The following MMP28 variants were observed in gnomAD, a reference collection of about 807,000 sequenced individuals.
MMP28 encodes matrix metallopeptidase 28, also known as matrix metalloproteinase-28.
Under a neutral mutation model 60.5 loss-of-function variants are expected in MMP28, and 55 were observed. The observed-to-expected ratio is 0.91, with a 90% CI of 0.73 to 1.14. The LOEUF is 1.14. Ranked by LOEUF, MMP28 falls within the 50% of genes most tolerant of loss-of-function variation. The pLI is 0.00. For synonymous variants in MMP28, 318 were observed against 312.5 expected, an observed-to-expected ratio of 1.02 and a Z score of -0.18; for missense variants, 686 against 738.3, an observed-to-expected ratio of 0.93 and a Z score of 0.82.
At chr17:35,774,073 G>A (rs888463102) in intron 3 of MMP28, among the ~76,000 whole-genome samples, 11 of 152,322 alleles carry the variant, frequency 7.2e-5, no homozygotes, top group Middle Eastern at 3.4e-3. Context: ...AGAACAAAGC[G>A]TGTGTTTTGT....
At chr17:35,781,977 C>T (rs2086516524) in intron 1 of MMP28, among the ~76,000 whole-genome samples, 1 of 151,916 alleles carries the variant, frequency 6.6e-6, no homozygotes, top group Non-Finnish European at 1.5e-5. Flanking sequence ...ACTCAGGTGA[C>T]CCTCCTATAG....
At chr17:35,771,882 G>A (rs544089022) in intron 4 of MMP28, among the ~76,000 whole-genome samples, 2 of 151,270 alleles carry the variant, frequency 1.3e-5, no homozygotes, top group African/African-American at 4.9e-5. Flanking sequence ...CCCAGATGGA[G>A]CTTATTAGAT....
At chr17:35,759,657 C>T (rs1002296935) in intron 2 of MMP28, among the ~76,000 whole-genome samples, 1 of 152,092 alleles carries the variant, frequency 6.6e-6, no homozygotes, top group Non-Finnish European at 1.5e-5. Context: ...GCCGAGATTG[C>T]GCCACTGCAC....
At chr17:35,771,047 T>C (rs1338382307) in intron 4 of MMP28, among the ~76,000 whole-genome samples, 1 of 151,850 alleles carries the variant, frequency 6.6e-6, no homozygotes, top group Non-Finnish European at 1.5e-5. Flanking sequence ...AGTAAGACCC[T>C]GTCTCAAACA....
intron 2 of MMP28, chr17:35,760,857 A>T: frequency 6.5e-7 from 1 of 1,536,990 alleles, no homozygotes. Flanking sequence ...GAGGCCCTAG[A>T]CATGAGACAA....
rs929595282 is a variant in MMP28, at chr17:35,768,344, G to A, written c.886C>T (p.Pro296Ser). 1 of 1,612,072 alleles carries A rather than the reference G, an allele frequency of 6.2e-7. No homozygotes were observed. The highest frequency in any genetic ancestry group is 1.3e-5 in the African/African-American group (1 of 74,898). Residue 296 changes from proline (P) to serine (S), a missense_variant, in exon 6 of 8, where the codon CCA becomes TCA. By Grantham distance (74) the Pro-to-Ser change is moderately conservative. Coordinates refer to ENST00000605424, the MANE Select transcript of MMP28 (RefSeq NM_024302.5). ...TCAAAGTCAGTGAACAGCTTTCCTG[G>A]GAGCTGGACGGCCACTGAGCCCCCT... is the stretch of plus-strand genomic sequence containing the variant. ...PLGGSVAVQLPGKLFTDFETW... is the reference protein window; with the variant it reads ...PLGGSVAVQLSGKLFTDFETW...
At chr17:35,794,284 C>T (rs574110617) in intron 1 of MMP28, among the ~76,000 whole-genome samples, 88 of 141,780 alleles carry the variant, frequency 6.2e-4, no homozygotes, top group African/African-American at 2.2e-3. Flanking sequence ...CTCACTCTGT[C>T]GCCCAGGTTG....
chr17:35,775,556 A>G (rs543774866), intron 3 of MMP28, among the ~76,000 whole-genome samples: 1 of 152,388 alleles, frequency 6.6e-6, no homozygotes, highest in African/African-American at 2.4e-5. Context: ...CACTGTGGAA[A>G]GAACATGGGT....
chr17:35,762,722 G>A (rs918467352), downstream of MMP28, among the ~76,000 whole-genome samples: 2 of 151,962 alleles, frequency 1.3e-5, no homozygotes, highest in Non-Finnish European at 2.9e-5. Flanking sequence ...AAGCCCACCC[G>A]CCTGCCCACC....
chr17:35,762,592 C>T (rs750117417), downstream of MMP28, among the ~76,000 whole-genome samples: 15 of 152,116 alleles, frequency 9.9e-5, no homozygotes, highest in South Asian at 2.1e-4. Flanking sequence ...AAGGAGGAAG[C>T]GTCTTTTCCT....
Position 35,766,824 on chromosome 17 carries a change from G to A in MMP28, c.1239C>T (p.Gly413=), listed in dbSNP as rs187742563. 902 of 1,574,104 alleles carry A rather than the reference G, an allele frequency of 5.7e-4. 4 individuals carry two copies. In the African/African-American group the frequency reaches 0.01, roughly 18 times the overall value. ...GGGCGGCGTCAGGATGGCGGGGCAG[G>A]CCCCCTGCCCGGCACAGCTGTGGGA... ...WGLPQLCRAG[G]LPRHPDAALF... is the part of the protein sequence containing the mutation. The change falls in exon 8 of 8, where the codon GGC becomes GGT. Residue 413 remains glycine (G), a synonymous_variant. Transcript: ENST00000605424. This position sits in a 1 kb window ranked among gnomAD's most constrained non-coding sequence, Gnocchi z 4.3.
At chr17:35,763,939 C>A (rs4796106), downstream of MMP28, 84,297 of 912,990 alleles carry the variant, frequency 0.092, 3,761 homozygotes, top group Admixed American at 0.13. Flanking sequence ...TAAATAAATA[C>A]ATGAAAAATT....
At chr17:35,793,326 C>T (rs151319457) in intron 1 of MMP28, among the ~76,000 whole-genome samples, 3 of 152,152 alleles carry the variant, frequency 2.0e-5, no homozygotes, top group African/African-American at 7.2e-5. Context: ...TGTTCCCTTG[C>T]GAGGGATTGC....
chr17:35,793,924 C>T (rs1409354619), intron 1 of MMP28, among the ~76,000 whole-genome samples: 2 of 152,028 alleles, frequency 1.3e-5, no homozygotes, highest in African/African-American at 4.8e-5. Context: ...ATGGTGAAAC[C>T]CCGTCTTTAC....
intron 1 of MMP28, among the ~76,000 whole-genome samples, chr17:35,791,930 C>G (rs934502618): frequency 6.6e-6 from 1 of 152,034 alleles, no homozygotes. Context: ...TGTGACGCAC[C>G]CCTCCACAGA....
intron 1 of MMP28, among the ~76,000 whole-genome samples, chr17:35,781,425 G>T (rs2086498312): frequency 6.6e-6 from 1 of 152,176 alleles, no homozygotes; most frequent in Non-Finnish European, 1.5e-5. Flanking sequence ...GCATGTAGGT[G>T]ATATAAAGCT....
chr17:35,759,457 T>G (rs1221810970), intron 2 of MMP28, among the ~76,000 whole-genome samples: 2 of 152,152 alleles, frequency 1.3e-5, no homozygotes, highest in East Asian at 3.9e-4. Flanking sequence ...ATCTGAGCAC[T>G]TTGGGAGGCC....
chr17:35,763,897 AAAATAAATAAAT>A (rs35027942), downstream of MMP28: 7,737 of 654,356 alleles, frequency 0.012, 489 homozygotes, highest in African/African-American at 0.13. Flanking sequence ...ACCCTGTCTC[AAAATAAATAAAT>A]AAATAAATAA....
intron 1 of MMP28, among the ~76,000 whole-genome samples, chr17:35,792,634 T>G (rs1036151146): frequency 3.3e-5 from 5 of 152,230 alleles, no homozygotes; most frequent in African/African-American, 1.2e-4. Flanking sequence ...TCTTTAGGAA[T>G]TGCAGCTCTG....
Sources: allele counts gnomAD v4.1 joint callset (sites outside exome capture counted in the v4.1 genomes callset), GRCh38; gene constraint gnomAD v4.1.1; non-coding constraint Gnocchi (gnomAD v3.1); transcripts MANE v1.5; gene names NCBI Gene and HGNC (gene_info 2026-07-23, HGNC 2026-07-21).